RORB: variants seen among roughly 807,000 people sequenced by gnomAD.
RORB encodes RAR related orphan receptor B.
A neutral mutation model predicts 59.1 loss-of-function variants in RORB; 6 were observed. The observed-to-expected ratio is 0.10, with a 90% CI of 0.06 to 0.20. The LOEUF (loss-of-function observed/expected upper bound fraction) is 0.20. RORB is among the 10% of genes least tolerant of loss of function. RORB has a pLI of 1.00. For missense variants in RORB, 320 were observed against 560.5 expected, an observed-to-expected ratio of 0.57 and a Z score of 4.33; for synonymous variants, 215 against 204.5, an observed-to-expected ratio of 1.05 and a Z score of -0.44.
At chr9:74,633,757 T>C (rs986962796) in intron 2 of RORB, among the ~76,000 whole-genome samples, 4 of 152,210 alleles carry the variant, frequency 2.6e-5, no homozygotes, top group African/African-American at 9.6e-5. Flanking sequence ...TTTTACCTGA[T>C]GAACCCAAAT....
At chr9:74,503,967 C>T (rs986975637) in intron 1 of RORB, among the ~76,000 whole-genome samples, 2 of 151,998 alleles carry the variant, frequency 1.3e-5, no homozygotes, top group East Asian at 1.9e-4. Flanking sequence ...ATATAATAAC[C>T]ATGTGGTTAA....
At chr9:74,537,647 A>G (rs1826340600) in intron 1 of RORB, among the ~76,000 whole-genome samples, 2 of 152,104 alleles carry the variant, frequency 1.3e-5, no homozygotes, top group Non-Finnish European at 2.9e-5. Context: ...ATGCCATTTG[A>G]AGTTTTAAAT....
chr9:74,663,793 G>A (rs1824226226), intron 6 of RORB, among the ~76,000 whole-genome samples: 1 of 152,096 alleles, frequency 6.6e-6, no homozygotes, highest in African/African-American at 2.4e-5. Context: ...CTCCATGTGA[G>A]ACCCTCCAAA....
At chr9:74,538,282 C>G (rs1418610402) in intron 1 of RORB, among the ~76,000 whole-genome samples, 1 of 151,962 alleles carries the variant, frequency 6.6e-6, no homozygotes, top group Non-Finnish European at 1.5e-5. Context: ...CTGAACTTAT[C>G]CCCCAAATTA....
At chr9:74,627,553 T>C (rs1823539975) in intron 1 of RORB, among the ~76,000 whole-genome samples, 1 of 152,194 alleles carries the variant, frequency 6.6e-6, no homozygotes, top group African/African-American at 2.4e-5. Flanking sequence ...TTCAAAAACA[T>C]CTTGTCACAC....
At chr9:74,587,252 T>C (rs1822816231) in intron 1 of RORB, among the ~76,000 whole-genome samples, 1 of 152,182 alleles carries the variant, frequency 6.6e-6, no homozygotes, top group Non-Finnish European at 1.5e-5. Flanking sequence ...TTTTGTCTTT[T>C]CCTAACCGTC....
intron 9 of RORB, among the ~76,000 whole-genome samples, chr9:74,675,960 G>T (rs1824433190): frequency 6.6e-6 from 1 of 152,212 alleles, no homozygotes; most frequent in South Asian, 2.1e-4. Flanking sequence ...CCATTCTAGG[G>T]CTTTCTCTAT....
intron 8 of RORB, among the ~76,000 whole-genome samples, chr9:74,669,856 T>A (rs1824321608): frequency 1.3e-5 from 2 of 152,232 alleles, no homozygotes; most frequent in South Asian, 4.1e-4. Context: ...CATGTCATCA[T>A]AACTGTATTT....
chr9:74,629,234 G>A (rs1029264361), intron 1 of RORB, among the ~76,000 whole-genome samples: 1 of 150,888 alleles, frequency 6.6e-6, no homozygotes, highest in Non-Finnish European at 1.5e-5. Context: ...GTAATCTTTA[G>A]TTGGTCTTCT....
Position 74,686,857 on chromosome 9 carries a change from T to C in RORB, c.*1239T>C, listed in dbSNP as rs1390258852. The C allele has an allele frequency of 6.6e-6, 1 of 152,464 alleles. No homozygotes were observed. The highest frequency in any genetic ancestry group is 2.4e-5 in the African/African-American group (1 of 41,436). The allele number at this position is 152,464 out of a possible 1,614,324, so 9.4% of individuals were successfully genotyped here. A position where few individuals can be genotyped will look rare whatever the true frequency, so the allele number is the denominator to read the frequency against. ...TATAAAATGCTATAATATAAAAATG[T>C]AGCAAAAACTTGACAGACTAGAAAA... is the stretch of plus-strand genomic sequence containing the variant. On this transcript the variant is annotated 3_prime_UTR_variant, in exon 10 of 10. Coordinates refer to ENST00000376896, the MANE Select transcript of RORB (RefSeq NM_006914.4).
At chr9:74,646,002 T>C (rs1563962930) in intron 4 of RORB, among the ~76,000 whole-genome samples, 1 of 152,108 alleles carries the variant, frequency 6.6e-6, no homozygotes. Context: ...TTGACTTGAT[T>C]TGATTAATGG....
chr9:74,575,331 G>A (rs935488530), intron 1 of RORB, among the ~76,000 whole-genome samples: 2 of 152,050 alleles, frequency 1.3e-5, no homozygotes, highest in Admixed American at 6.6e-5. Flanking sequence ...GAAGATGGAG[G>A]ACCTGCAGGG....
At chr9:74,580,948 C>T (rs1055190347) in intron 1 of RORB, among the ~76,000 whole-genome samples, 4 of 152,114 alleles carry the variant, frequency 2.6e-5, no homozygotes, top group East Asian at 1.9e-4. Context: ...AATCTCCAGA[C>T]GTGAATGAAG....
At chr9:74,610,747 A>G (rs924299982) in intron 1 of RORB, among the ~76,000 whole-genome samples, 1 of 152,164 alleles carries the variant, frequency 6.6e-6, no homozygotes, top group Non-Finnish European at 1.5e-5. Flanking sequence ...TGACTAGAAA[A>G]CCCATGGTGT....
At chr9:74,621,477 G>T (rs1420446772) in intron 1 of RORB, among the ~76,000 whole-genome samples, 1 of 152,164 alleles carries the variant, frequency 6.6e-6, no homozygotes, top group Non-Finnish European at 1.5e-5. Flanking sequence ...CAGTTGGTTT[G>T]TCTGTTCACC....
intron 1 of RORB, among the ~76,000 whole-genome samples, chr9:74,556,594 T>C (rs1482070719): frequency 6.6e-6 from 1 of 152,124 alleles, no homozygotes; most frequent in Non-Finnish European, 1.5e-5. Flanking sequence ...GTCTTATATT[T>C]CCCAGATAAT....
chr9:74,600,416 C>T lies in RORB; in HGVS notation c.8-29866C>T, dbSNP rs577304744. On this transcript the variant is annotated intron_variant, in intron 1 of 9. Coordinates refer to ENST00000376896, the MANE Select transcript of RORB (RefSeq NM_006914.4). ...CAAAGTGAATTAAATTAAACCTCTCCGTTCATCACTGAGGTGCTTTGGCCA... is the reference window on the plus strand; with the variant it reads ...CAAAGTGAATTAAATTAAACCTCTCTGTTCATCACTGAGGTGCTTTGGCCA... 2.5e-4 allele frequency among the ~76,000 whole-genome samples: 38 copies of T among 152,252 alleles called. 1 individual carries two copies. The highest frequency in any genetic ancestry group is 7.7e-4 in the African/African-American group (32 of 41,534).
chr9:74,640,868 A>C (rs944217125), intron 3 of RORB, among the ~76,000 whole-genome samples: 1 of 152,142 alleles, frequency 6.6e-6, no homozygotes, highest in African/African-American at 2.4e-5. Context: ...TGAATTTTGG[A>C]AGAATATTGG....
At chr9:74,656,174 C>CAGAT (rs1824076146) in intron 4 of RORB, among the ~76,000 whole-genome samples, 1 of 152,144 alleles carries the variant, frequency 6.6e-6, no homozygotes, top group African/African-American at 2.4e-5. Context: ...AATGGATAGA[C>CAGAT]AGATGGACAT....
Sources: gnomAD v4.1 joint callset for allele counts (sites outside exome capture counted in the v4.1 genomes callset) on GRCh38, gnomAD v4.1.1 for gene constraint, MANE v1.5 for transcripts, NCBI Gene and HGNC (gene_info 2026-07-23, HGNC 2026-07-21) for gene names.